Variants in IGF2BP3 observed in about 807,000 individuals in gnomAD.
IGF2BP3 encodes the protein insulin-like growth factor 2 mRNA-binding protein 3.
A neutral mutation model predicts 73.8 loss-of-function variants in IGF2BP3; 9 were observed. The ratio of observed to expected loss-of-function variants is 0.12; its 90% CI spans 0.07 to 0.21. IGF2BP3 has a LOEUF of 0.21. IGF2BP3 is among the 10% of genes least tolerant of loss of function. IGF2BP3 has a pLI of 1.00. For synonymous variants in IGF2BP3, 258 were observed against 256.7 expected (o/e 1.01, Z -0.05); for missense variants, 542 against 714.0 (o/e 0.76, Z 2.75).
intron 10 of IGF2BP3, among the ~76,000 whole-genome samples, chr7:23,336,700 C>A (rs1784582411): frequency 6.6e-6 from 1 of 152,156 alleles, no homozygotes; most frequent in African/African-American, 2.4e-5. Context: ...GTAATCCCAG[C>A]ACTTTGGGAG....
chr7:23,455,747 G>T (rs189460318), intron 2 of IGF2BP3, among the ~76,000 whole-genome samples: 1 of 152,102 alleles, frequency 6.6e-6, no homozygotes, highest in Non-Finnish European at 1.5e-5. Flanking sequence ...GTGCGGTGGC[G>T]CGATGTCGAC....
At position 23,469,897 on chromosome 7, in the gene IGF2BP3, C is replaced by G. The variant is rs773936265; in HGVS notation, c.175+39G>C. The G allele has an allele frequency of 1.9e-6, 3 of 1,544,440 alleles. No individual in the cohort carries two copies. In the South Asian group the frequency reaches 3.6e-5, roughly 19 times the overall value. ...GTGGGCCTGGGCGGGCGGTGCAGGG[C>G]TGGGGCGAGAGCCCGGGTGGGGCCA... On this transcript the variant is annotated intron_variant, in intron 1 of 14. Transcript: ENST00000258729. This position sits in a 1 kb window ranked among gnomAD's most constrained non-coding sequence, Gnocchi z 6.1.
chr7:23,406,318 G>A (rs1786829021), intron 3 of IGF2BP3, among the ~76,000 whole-genome samples: 1 of 152,070 alleles, frequency 6.6e-6, no homozygotes, highest in African/African-American at 2.4e-5. Flanking sequence ...GAATCAAAAA[G>A]GGAAGCCTCA....
chr7:23,455,694 A>AATT (rs55881657), intron 2 of IGF2BP3, among the ~76,000 whole-genome samples: 1 of 151,602 alleles, frequency 6.6e-6, no homozygotes, highest in African/African-American at 2.4e-5. Flanking sequence ...GGGTCTTACT[A>AATT]TTTTTTTTGG....
At chr7:23,334,810 T>C (rs138413627) in intron 10 of IGF2BP3, among the ~76,000 whole-genome samples, 12 of 152,312 alleles carry the variant, frequency 7.9e-5, no homozygotes, top group African/African-American at 2.6e-4. Flanking sequence ...CGTGAAGACA[T>C]ACAAGTATGA....
chr7:23,335,729 C>T (rs945985404), intron 10 of IGF2BP3, among the ~76,000 whole-genome samples: 1 of 152,168 alleles, frequency 6.6e-6, no homozygotes, highest in African/African-American at 2.4e-5. Flanking sequence ...AGCCAGCAGC[C>T]CTTGGGATTA....
intron 3 of IGF2BP3, chr7:23,402,599 A>T (rs1786702436): frequency 6.6e-6 from 1 of 152,182 alleles, no homozygotes; most frequent in Admixed American, 6.5e-5. Flanking sequence ...TGGGAAGAAA[A>T]AGAGTGAGAT....
intron 2 of IGF2BP3, among the ~76,000 whole-genome samples, chr7:23,427,435 G>C (rs892210715): frequency 6.6e-6 from 1 of 152,032 alleles, no homozygotes; most frequent in African/African-American, 2.4e-5. Context: ...GCAAATCCCT[G>C]TTTCAATCTC....
chr7:23,316,803 T>G (rs990478083), intron 12 of IGF2BP3, among the ~76,000 whole-genome samples: 1 of 151,504 alleles, frequency 6.6e-6, no homozygotes, highest in Non-Finnish European at 1.5e-5. Flanking sequence ...AATCATACAC[T>G]AAAAGGAATA....
At chr7:23,361,471 C>A in intron 5 of IGF2BP3, 63 bp downstream of exon 5, 2 of 1,412,136 alleles carry the variant, frequency 1.4e-6, no homozygotes, top group Admixed American at 1.8e-5. Context: ...GAGAAATCCG[C>A]AAAATATGTT....
intron 2 of IGF2BP3, among the ~76,000 whole-genome samples, chr7:23,460,443 A>G (rs1414655477): frequency 6.6e-6 from 1 of 151,236 alleles, no homozygotes; most frequent in African/African-American, 2.4e-5. Context: ...GAAGCAGGAG[A>G]ATCACTTGAA....
chr7:23,358,995 G>C (rs1201106408), intron 5 of IGF2BP3, among the ~76,000 whole-genome samples: 1 of 152,162 alleles, frequency 6.6e-6, no homozygotes, highest in African/African-American at 2.4e-5. Context: ...CTGAATATTA[G>C]AACAAAGGAC....
intron 2 of IGF2BP3, among the ~76,000 whole-genome samples, chr7:23,465,529 C>A (rs577843239): frequency 7.2e-5 from 11 of 151,858 alleles, no homozygotes; most frequent in East Asian, 1.9e-4. Flanking sequence ...AGGGTCCCCC[C>A]CCAAGCTCCA....
At chr7:23,446,985 T>C (rs1199771524) in intron 2 of IGF2BP3, among the ~76,000 whole-genome samples, 1 of 151,910 alleles carries the variant, frequency 6.6e-6, no homozygotes, top group Non-Finnish European at 1.5e-5. Context: ...GGAGGATCAC[T>C]TGAGGTCAGG....
intron 12 of IGF2BP3, among the ~76,000 whole-genome samples, chr7:23,316,460 T>A (rs1055088132): frequency 6.6e-6 from 1 of 152,028 alleles, no homozygotes; most frequent in African/African-American, 2.4e-5. Context: ...GGTGGGCGGA[T>A]CACTTGAGGT....
At chr7:23,329,388 A>G (rs956976941) in intron 10 of IGF2BP3, among the ~76,000 whole-genome samples, 3 of 152,192 alleles carry the variant, frequency 2.0e-5, no homozygotes, top group Non-Finnish European at 2.9e-5. Flanking sequence ...GTGTGTGCAT[A>G]GTTTCCAACT....
At chr7:23,316,562 C>T (rs1208810706) in intron 12 of IGF2BP3, among the ~76,000 whole-genome samples, 1 of 151,472 alleles carries the variant, frequency 6.6e-6, no homozygotes, top group African/African-American at 2.4e-5. Flanking sequence ...GTAATCCCAG[C>T]TACTCGGGAG....
At chr7:23,346,093 A>G in intron 7 of IGF2BP3, 31 bp from the exon 8 acceptor site, 2 of 1,593,226 alleles carry the variant, frequency 1.3e-6, no homozygotes, top group South Asian at 2.3e-5. Context: ...ATAAAATTAG[A>G]ATAAGTAAAC....
Position 23,313,659 on chromosome 7 carries a change from G to A in IGF2BP3, c.1396-6C>T, listed in dbSNP as rs763677216. ...CCATAAATTCTTCCCTGAGCCTGCA[G>A]ATGAAAACACATCCTATTAGTGTCA... On this transcript the variant is annotated splice_polypyrimidine_tract_variant and splice_region_variant and intron_variant, in intron 12 of 14. Transcript: ENST00000258729. 6.8e-6 allele frequency: 11 copies of A among 1,612,732 alleles called. No homozygotes were observed. Among genetic ancestry groups the A allele is most frequent in the Admixed American group, 6.7e-5 (4 of 59,834 alleles).
Sources: gnomAD v4.1 joint callset for allele counts (sites outside exome capture counted in the v4.1 genomes callset) on GRCh38, gnomAD v4.1.1 for gene constraint, Gnocchi (gnomAD v3.1) non-coding constraint, MANE v1.5 for transcripts, NCBI Gene and HGNC (gene_info 2026-07-23, HGNC 2026-07-21) for gene names.